The following TAFA5 variants were observed in gnomAD, a reference collection of about 807,000 sequenced individuals.
TAFA5 encodes TAFA chemokine like family member 5, also known as chemokine-like protein TAFA-5.
A neutral mutation model predicts 15.3 loss-of-function variants in TAFA5; 6 were observed. That is an observed-to-expected ratio of 0.39 (90% confidence interval 0.21 to 0.77). TAFA5 has a LOEUF of 0.77. Among genes scored for constraint, TAFA5 ranks in the 30% least tolerant of loss-of-function variants. The pLI is 0.41. For synonymous variants in TAFA5, 103 were observed against 80.7 expected (o/e 1.28, Z -1.48); for missense variants, 161 against 193.1 (o/e 0.83, Z 0.98).
chr22:48,530,287 T>G lies in TAFA5; in HGVS notation c.112+40583T>G, dbSNP rs1300745385. Reference sequence around the variant, plus strand: ...CGTCTGACAAATGGGGCATCAGGAGTCTTGGTGCTGCCTGTCCCTGAAGTG... The same window carrying G: ...CGTCTGACAAATGGGGCATCAGGAGGCTTGGTGCTGCCTGTCCCTGAAGTG... On this transcript the variant is annotated intron_variant, in intron 1 of 3. Coordinates refer to ENST00000402357, the MANE Select transcript of TAFA5 (RefSeq NM_001082967.3). The surrounding 1 kb of genome is among the most constrained non-coding windows in gnomAD (Gnocchi z 6.0). 6.6e-6 allele frequency among the ~76,000 whole-genome samples: 1 copy of G among 151,978 alleles called. No homozygotes were observed. The highest frequency in any genetic ancestry group is 1.5e-5 in the Non-Finnish European group (1 of 67,976).
At chr22:48,504,848 G>A (rs1920978115) in intron 1 of TAFA5, among the ~76,000 whole-genome samples, 1 of 152,208 alleles carries the variant, frequency 6.6e-6, no homozygotes, top group Non-Finnish European at 1.5e-5. Context: ...GCAGCTGCCA[G>A]GGCAGGGTGG....
chr22:48,570,702 T>C (rs555373928), intron 1 of TAFA5, among the ~76,000 whole-genome samples: 17 of 152,368 alleles, frequency 1.1e-4, no homozygotes, highest in African/African-American at 4.1e-4. Context: ...CTATTATGTA[T>C]TTAATGGTCA....
intron 1 of TAFA5, among the ~76,000 whole-genome samples, chr22:48,635,132 T>A (rs1227339204): frequency 1.3e-5 from 2 of 152,090 alleles, no homozygotes; most frequent in Non-Finnish European, 2.9e-5. Context: ...CTTGTTCCCG[T>A]TGTGGCCTGT....
intron 1 of TAFA5, among the ~76,000 whole-genome samples, chr22:48,580,240 C>G (rs573873539): frequency 7.9e-5 from 12 of 152,096 alleles, no homozygotes; most frequent in Non-Finnish European, 1.8e-4. Context: ...CCATGTGGCC[C>G]GTAACAAGGG....
intron 3 of TAFA5, among the ~76,000 whole-genome samples, chr22:48,712,529 G>A (rs1217448755): frequency 1.3e-5 from 2 of 152,238 alleles, no homozygotes; most frequent in Admixed American, 6.5e-5. Flanking sequence ...GGGCACACAG[G>A]CTCACATGGG....
intron 1 of TAFA5, among the ~76,000 whole-genome samples, chr22:48,553,064 C>A (rs1190190312): frequency 1.3e-5 from 2 of 152,188 alleles, no homozygotes; most frequent in African/African-American, 4.8e-5. Flanking sequence ...CCCACCACCA[C>A]ACCCAGCACG....
At position 48,542,433 on chromosome 22, in the gene TAFA5, GGT is replaced by G. The variant is rs373930088; in HGVS notation, c.112+52739_112+52740del. 5.8e-3 allele frequency among the ~76,000 whole-genome samples: 748 copies of G among 129,278 alleles called. 17 individuals are homozygous for G. Among genetic ancestry groups the G allele is most frequent in the African/African-American group, 0.021 (694 of 33,246 alleles). The allele number at this position is 129,278 out of a possible 152,430, so 84.8% of individuals were successfully genotyped here. A position where few individuals can be genotyped will look rare whatever the true frequency, so the allele number is the denominator to read the frequency against. On this transcript the variant is annotated intron_variant, in intron 1 of 3. Coordinates refer to ENST00000402357, the MANE Select transcript of TAFA5 (RefSeq NM_001082967.3). ...TGGCGTGTGTGGTGTGTATGTGTGT[GGT>G]GTGTGTGTGGTGTATGTGCGGGTGT...
At chr22:48,749,478 A>G (rs1223900002) in intron 3 of TAFA5, among the ~76,000 whole-genome samples, 1 of 152,124 alleles carries the variant, frequency 6.6e-6, no homozygotes, top group Non-Finnish European at 1.5e-5. Flanking sequence ...AGGGGTTTGA[A>G]TTGGATACAG....
chr22:48,495,987 A>G (rs1928310747), intron 1 of TAFA5, among the ~76,000 whole-genome samples: 1 of 151,618 alleles, frequency 6.6e-6, no homozygotes, highest in South Asian at 2.1e-4. Flanking sequence ...TCTCCCACAT[A>G]CTCCGGATTG....
At chr22:48,629,381 A>G (rs1435680456) in intron 1 of TAFA5, among the ~76,000 whole-genome samples, 4 of 152,302 alleles carry the variant, frequency 2.6e-5, no homozygotes, top group Non-Finnish European at 5.9e-5. Flanking sequence ...GGAATGAGGC[A>G]CTGTGGAGCA....
chr22:48,520,401 C>T (rs952685416), intron 1 of TAFA5, among the ~76,000 whole-genome samples: 1 of 152,228 alleles, frequency 6.6e-6, no homozygotes, highest in Non-Finnish European at 1.5e-5. Context: ...TGCACGGGCT[C>T]ACCCCGAAGG....
chr22:48,749,201 C>T (rs1003704825), intron 3 of TAFA5, among the ~76,000 whole-genome samples: 17 of 152,208 alleles, frequency 1.1e-4, no homozygotes, highest in African/African-American at 4.1e-4. Flanking sequence ...GGAGTGGACC[C>T]TCCCTCAGAT....
At chr22:48,585,010 G>A in intron 1 of TAFA5, among the ~76,000 whole-genome samples, 1 of 125,452 alleles carries the variant, frequency 8.0e-6, no homozygotes, top group African/African-American at 3.2e-5. Flanking sequence ...CACACCACAT[G>A]CAGAATACAC....
intron 1 of TAFA5, chr22:48,539,288 G>T (rs1234392425): frequency 2.2e-6 from 1 of 458,738 alleles, no homozygotes; most frequent in African/African-American, 2.0e-5. Context: ...GACCCTGGCG[G>T]ACTCCTAAAT....
At chr22:48,512,040 G>A (rs918280510) in intron 1 of TAFA5, among the ~76,000 whole-genome samples, 1 of 152,214 alleles carries the variant, frequency 6.6e-6, no homozygotes, top group African/African-American at 2.4e-5. Flanking sequence ...GATGGCCACG[G>A]TTCAGGCGGG....
At position 48,509,784 on chromosome 22, in the gene TAFA5, T is replaced by C. The variant is rs574789169; in HGVS notation, c.112+20080T>C. Among the ~76,000 whole-genome samples, 4 of 152,180 alleles carry C rather than the reference T, an allele frequency of 2.6e-5. No individual in the cohort carries two copies. In the East Asian group the frequency reaches 5.8e-4, roughly 22 times the overall value. On this transcript the variant is annotated intron_variant, in intron 1 of 3. Coordinates refer to ENST00000402357, the MANE Select transcript of TAFA5 (RefSeq NM_001082967.3). ...GGCTAACATGGTGAAACCCCGTCTCTACTAAAAGTACAAAAAATTAGCCGG... is the reference window on the plus strand; with the variant it reads ...GGCTAACATGGTGAAACCCCGTCTCCACTAAAAGTACAAAAAATTAGCCGG...
intron 1 of TAFA5, among the ~76,000 whole-genome samples, chr22:48,527,846 G>T (rs1021186372): frequency 6.6e-6 from 1 of 152,210 alleles, no homozygotes; most frequent in African/African-American, 2.4e-5. Flanking sequence ...GGTGTTTCAC[G>T]GGTAGATGGA....
At chr22:48,493,123 T>G (rs545519373) in intron 1 of TAFA5, among the ~76,000 whole-genome samples, 1 of 152,324 alleles carries the variant, frequency 6.6e-6, no homozygotes, top group East Asian at 1.9e-4. Context: ...ACCTAAGCAC[T>G]GACTCGGTCC....
At chr22:48,749,221 G>C (rs1347217654) in intron 3 of TAFA5, among the ~76,000 whole-genome samples, 1 of 152,220 alleles carries the variant, frequency 6.6e-6, no homozygotes. Context: ...TCCTCCAGCA[G>C]GAACAGGCCC....
Sources: gnomAD v4.1 joint callset for allele counts (sites outside exome capture counted in the v4.1 genomes callset) on GRCh38, gnomAD v4.1.1 for gene constraint, Gnocchi (gnomAD v3.1) non-coding constraint, MANE v1.5 for transcripts, NCBI Gene and HGNC (gene_info 2026-07-23, HGNC 2026-07-21) for gene names.